Variants in CCSER1 observed in about 807,000 individuals in gnomAD.
CCSER1 encodes the protein serine-rich coiled-coil domain-containing protein 1.
Under a neutral mutation model 82.0 loss-of-function variants are expected in CCSER1, and 41 were observed. That is an observed-to-expected ratio of 0.50 (90% CI 0.39 to 0.65). The LOEUF is 0.65. Ranked by LOEUF, CCSER1 falls within the 30% of genes least tolerant of loss-of-function variation. CCSER1 has a pLI of 0.00. For missense variants in CCSER1, 1,119 were observed against 1,064.2 expected (o/e 1.05, Z -0.72); for synonymous variants, 414 against 383.9 (o/e 1.08, Z -0.92).
At chr4:90,516,666 C>A (rs1772323219) in intron 5 of CCSER1, among the ~76,000 whole-genome samples, 1 of 152,158 alleles carries the variant, frequency 6.6e-6, no homozygotes. Flanking sequence ...GGTATGAGAG[C>A]CCACTGATTA....
intron 6 of CCSER1, among the ~76,000 whole-genome samples, chr4:90,700,248 T>C (rs1277729624): frequency 2.6e-5 from 4 of 152,182 alleles, no homozygotes; most frequent in Admixed American, 6.5e-5. Context: ...TGTTTGGTTT[T>C]TTGTCCTTGT....
intron 9 of CCSER1, among the ~76,000 whole-genome samples, chr4:91,021,589 C>CTT (rs1476707480): frequency 6.6e-6 from 1 of 152,026 alleles, no homozygotes; most frequent in Non-Finnish European, 1.5e-5. Context: ...TGTTTTGTGT[C>CTT]TTTTTCAATA....
rs1270820147 is a variant in CCSER1 at position 91,558,109 on chromosome 4, A to AT, written c.2218-40463_2218-40462insT. Among the ~76,000 whole-genome samples the AT allele has an allele frequency of 1.1e-4, 9 of 78,578 alleles. No individual in the cohort carries two copies. In the South Asian group the frequency reaches 2.3e-3, roughly 20 times the overall value. The allele number at this position is 78,578 out of a possible 152,430, so 51.6% of individuals were successfully genotyped here. ...ATTAATAATTACCTTTTAATAAAAA[A>AT]AATATATTTCATTATTTTTGAAGCC... On this transcript the variant is annotated intron_variant, in intron 10 of 10. Transcript: ENST00000509176.
At chr4:91,389,925 C>A (rs547061187) in intron 10 of CCSER1, among the ~76,000 whole-genome samples, 1 of 152,032 alleles carries the variant, frequency 6.6e-6, no homozygotes, top group East Asian at 1.9e-4. Flanking sequence ...ATATTATTTC[C>A]TGTGCATTGT....
chr4:90,513,690 G>A (rs1318848754), intron 5 of CCSER1, among the ~76,000 whole-genome samples: 2 of 152,158 alleles, frequency 1.3e-5, no homozygotes, highest in African/African-American at 4.8e-5. Flanking sequence ...AATAATGGCT[G>A]AAATTGGGTA....
chr4:90,415,629 G>C (rs944071981), intron 4 of CCSER1, among the ~76,000 whole-genome samples: 2 of 152,114 alleles, frequency 1.3e-5, no homozygotes, highest in Non-Finnish European at 2.9e-5. Flanking sequence ...TCAAATAACT[G>C]GTTAAATATT....
chr4:91,545,299 G>T (rs1761830093), intron 10 of CCSER1, among the ~76,000 whole-genome samples: 1 of 152,068 alleles, frequency 6.6e-6, no homozygotes. Flanking sequence ...GCCCCGCCCT[G>T]CTTCGGCTCA....
chr4:90,811,423 G>T (rs1376307614), intron 7 of CCSER1, among the ~76,000 whole-genome samples: 1 of 152,130 alleles, frequency 6.6e-6, no homozygotes, highest in Non-Finnish European at 1.5e-5. Flanking sequence ...GTTAAATTAG[G>T]AAGTGACAAA....
At chr4:91,244,501 G>A (rs1190462008) in intron 10 of CCSER1, among the ~76,000 whole-genome samples, 2 of 152,180 alleles carry the variant, frequency 1.3e-5, no homozygotes, top group Non-Finnish European at 2.9e-5. Flanking sequence ...TGCTTATTTG[G>A]GAGAAAGTCA....
intron 10 of CCSER1, among the ~76,000 whole-genome samples, chr4:91,287,211 G>C (rs1190795910): frequency 6.6e-6 from 1 of 151,688 alleles, no homozygotes; most frequent in African/African-American, 2.4e-5. Context: ...AAAAAAGTCA[G>C]GAAAACAATG....
At chr4:91,529,259 G>A (rs1760910910) in intron 10 of CCSER1, among the ~76,000 whole-genome samples, 1 of 152,018 alleles carries the variant, frequency 6.6e-6, no homozygotes, top group South Asian at 2.1e-4. Flanking sequence ...TTATAGAGGG[G>A]CATTTATTTA....
chr4:90,664,210 A>C (rs1297844801), intron 6 of CCSER1, among the ~76,000 whole-genome samples: 3 of 152,190 alleles, frequency 2.0e-5, no homozygotes, highest in East Asian at 1.9e-4. Context: ...AATGTTTTCT[A>C]TGTGCTTCGT....
At chr4:90,247,623 GA>G (rs1225879655) in intron 1 of CCSER1, among the ~76,000 whole-genome samples, 1 of 151,960 alleles carries the variant, frequency 6.6e-6, no homozygotes, top group African/African-American at 2.4e-5. Flanking sequence ...TTTGAATTTG[GA>G]AAACATGTTT....
In CCSER1 at chr4:90,524,510, C is replaced by T. The variant is rs190476636; in HGVS notation, c.1724+56156C>T. Among the ~76,000 whole-genome samples the T allele has an allele frequency of 3.3e-3, 495 of 152,210 alleles. 1 individual carries two copies. The highest frequency in any genetic ancestry group is 4.7e-3 in the Non-Finnish European group (319 of 68,000). On this transcript the variant is annotated intron_variant, in intron 5 of 10. Coordinates refer to ENST00000509176, the MANE Select transcript of CCSER1 (RefSeq NM_001145065.2). ...TTTGAGATGGAGTCTGACTCTGTTG[C>T]CAGGCTGGAGTGCAGTGGTGTGATC...
At chr4:91,449,019 A>G (rs1472471085) in intron 10 of CCSER1, among the ~76,000 whole-genome samples, 2 of 152,082 alleles carry the variant, frequency 1.3e-5, no homozygotes, top group African/African-American at 2.4e-5. Context: ...CTCACTACTA[A>G]TGTCACATAC....
At chr4:90,932,600 G>A (rs557655225) in intron 9 of CCSER1, among the ~76,000 whole-genome samples, 3 of 151,962 alleles carry the variant, frequency 2.0e-5, no homozygotes, top group Non-Finnish European at 4.4e-5. Flanking sequence ...GGCCCAGGCG[G>A]GCGAATCACC....
At chr4:90,277,747 G>A (rs924252684) in intron 1 of CCSER1, among the ~76,000 whole-genome samples, 3 of 152,100 alleles carry the variant, frequency 2.0e-5, no homozygotes, top group South Asian at 4.1e-4. Flanking sequence ...AGCCTAGGAA[G>A]TGCTCTTCTC....
At chr4:91,134,345 T>A (rs6827666) in intron 10 of CCSER1, among the ~76,000 whole-genome samples, 110,550 of 151,508 alleles carry the variant, frequency 0.73, 40,584 homozygotes, top group Non-Finnish European at 0.78. Flanking sequence ...ACAGTGAGCT[T>A]TGATCATGCC....
At chr4:91,133,155 T>C (rs552543677) in intron 10 of CCSER1, among the ~76,000 whole-genome samples, 2 of 152,360 alleles carry the variant, frequency 1.3e-5, no homozygotes, top group African/African-American at 4.8e-5. Flanking sequence ...CCTTCTCTTC[T>C]TTAAATAATA....
Sources: allele counts gnomAD v4.1 joint callset (sites outside exome capture counted in the v4.1 genomes callset), GRCh38; gene constraint gnomAD v4.1.1; transcripts MANE v1.5; gene names NCBI Gene and HGNC (gene_info 2026-07-23, HGNC 2026-07-21).